Variants in DENND5B observed in about 807,000 individuals in gnomAD.
DENND5B encodes DENN domain containing 5B.
DENND5B carries 34 observed loss-of-function variants against 140.6 expected under a neutral mutation model. The ratio of observed to expected loss-of-function variants is 0.24; its 90% confidence interval spans 0.18 to 0.32. DENND5B has a LOEUF of 0.32. Ranked by LOEUF, DENND5B falls within the 10% of genes least tolerant of loss-of-function variation. The pLI is 1.00. For missense variants in DENND5B, 1,142 were observed against 1,560.2 expected (o/e 0.73, Z 4.52); for synonymous variants, 551 against 562.1 (o/e 0.98, Z 0.28).
chr12:31,497,199 A>G (rs1275040020), intron 1 of DENND5B, among the ~76,000 whole-genome samples: 1 of 152,204 alleles, frequency 6.6e-6, no homozygotes, highest in East Asian at 1.9e-4. Context: ...TATAAAATAC[A>G]TAGGAATTTT....
intron 20 of DENND5B, 76 bp from the exon 21 acceptor site, chr12:31,387,862 T>G: frequency 6.8e-7 from 1 of 1,463,142 alleles, no homozygotes; most frequent in Non-Finnish European, 9.3e-7. Flanking sequence ...GGAGTCTGTA[T>G]GAATGGGAAG....
chr12:31,409,448 G>A, intron 13 of DENND5B, 64 bp from the exon 14 acceptor site: 2 of 1,001,128 alleles, frequency 2.0e-6, no homozygotes, highest in South Asian at 2.1e-5. Flanking sequence ...AACCAAGACA[G>A]TAGTATCATG....
intron 1 of DENND5B, among the ~76,000 whole-genome samples, chr12:31,504,333 C>G (rs960621575): frequency 9.2e-5 from 14 of 152,170 alleles, no homozygotes; most frequent in African/African-American, 3.4e-4. Context: ...CACAAAAGTT[C>G]TGCTACTATG....
At chr12:31,531,810 C>G (rs1432219743) in intron 1 of DENND5B, among the ~76,000 whole-genome samples, 1 of 152,154 alleles carries the variant, frequency 6.6e-6, no homozygotes, top group East Asian at 1.9e-4. Flanking sequence ...TATCTCCATT[C>G]TACTCACTAC....
intron 1 of DENND5B, among the ~76,000 whole-genome samples, chr12:31,528,747 A>G (rs1031628492): frequency 2.6e-5 from 4 of 152,346 alleles, no homozygotes; most frequent in East Asian, 3.9e-4. Flanking sequence ...TGAGATGCCA[A>G]TTCTAACTGG....
chr12:31,451,733 G>GT, intron 5 of DENND5B: 1 of 574,194 alleles, frequency 1.7e-6, no homozygotes, highest in Non-Finnish European at 3.0e-6. Flanking sequence ...TTATTTGCTT[G>GT]TAAAATTATT....
chr12:31,496,931 T>G (rs1399227985), intron 1 of DENND5B, among the ~76,000 whole-genome samples: 1 of 152,162 alleles, frequency 6.6e-6, no homozygotes, highest in Non-Finnish European at 1.5e-5. Flanking sequence ...TTTATTGTGT[T>G]GTGTGTTTTC....
In DENND5B at chr12:31,385,876, C is replaced by G. The variant is rs1260783888; in HGVS notation, c.*1727G>C. On this transcript the variant is annotated 3_prime_UTR_variant, in exon 21 of 21. Coordinates refer to ENST00000389082, the MANE Select transcript of DENND5B (RefSeq NM_144973.4). ...TATTTTTAGTAGAGACGGGGTTTCA[C>G]GGTGTTAGCCAGGAGGGTCTCAATC... The G allele has an allele frequency of 6.6e-6, 1 of 152,354 alleles. No homozygotes were observed. Among genetic ancestry groups the G allele is most frequent in the Admixed American group, 6.5e-5 (1 of 15,268 alleles). 9.4% of individuals were successfully genotyped at this position (152,354 alleles called of 1,614,324 possible).
intron 2 of DENND5B, among the ~76,000 whole-genome samples, chr12:31,487,557 C>T (rs1946358413): frequency 6.6e-6 from 1 of 152,002 alleles, no homozygotes; most frequent in African/African-American, 2.4e-5. Flanking sequence ...AAAAAATTAG[C>T]CGGGCGTGGT....
chr12:31,452,033 CTG>C lies in DENND5B; in HGVS notation c.1534_1535del (p.Gln512AspfsTer30). The C allele has an allele frequency of 6.2e-7, 1 of 1,613,824 alleles. No individual in the cohort carries two copies. The highest frequency in any genetic ancestry group is 8.5e-7 in the Non-Finnish European group (1 of 1,179,850). ...LREVFANRFT[Q>X]MFADYEAFVI... is the part of the protein sequence containing the mutation. ...CAAATGCTTCGTAATCTGCAAACAT[CTG>C]TGTAAAACGGTTAGCAAAGACCTCT... On this transcript the variant is annotated frameshift_variant, in exon 5 of 21. Transcript: ENST00000389082. LOFTEE classifies it high-confidence loss of function.
At chr12:31,459,230 A>G (rs1194890597) in intron 4 of DENND5B, among the ~76,000 whole-genome samples, 1 of 151,992 alleles carries the variant, frequency 6.6e-6, no homozygotes, top group Non-Finnish European at 1.5e-5. Context: ...AAAAGTAAAA[A>G]CAACACCTAG....
At chr12:31,589,648 G>A (rs1950530391) in intron 1 of DENND5B, among the ~76,000 whole-genome samples, 1 of 151,828 alleles carries the variant, frequency 6.6e-6, no homozygotes, top group Non-Finnish European at 1.5e-5. Flanking sequence ...AATCAATAAG[G>A]AATTATTTGT....
intron 1 of DENND5B, among the ~76,000 whole-genome samples, chr12:31,539,808 GATCTGGAATACAACAAGGAT>G (rs1227343756): frequency 6.6e-6 from 1 of 151,756 alleles, no homozygotes; most frequent in Non-Finnish European, 1.5e-5. Flanking sequence ...TTTCCTCTGA[GATCTGGAATACAACAAGGAT>G]ATCCACTTTC....
chr12:31,551,208 A>T (rs930935747), intron 1 of DENND5B, among the ~76,000 whole-genome samples: 1 of 152,160 alleles, frequency 6.6e-6, no homozygotes, highest in Middle Eastern at 3.2e-3. Flanking sequence ...CTAACATTTA[A>T]GTCTTTAATC....
chr12:31,509,893 A>G (rs1947343803), intron 1 of DENND5B, among the ~76,000 whole-genome samples: 1 of 152,118 alleles, frequency 6.6e-6, no homozygotes, highest in East Asian at 1.9e-4. Flanking sequence ...CCTTGGGAAA[A>G]TCAACGTGAA....
intron 1 of DENND5B, among the ~76,000 whole-genome samples, chr12:31,572,923 A>C (rs1949874842): frequency 6.6e-6 from 1 of 152,246 alleles, no homozygotes; most frequent in Non-Finnish European, 1.5e-5. Context: ...AGGAAGAAAA[A>C]GACTTTTTAA....
intron 1 of DENND5B, among the ~76,000 whole-genome samples, chr12:31,509,759 A>G (rs1947338493): frequency 6.6e-6 from 1 of 152,206 alleles, no homozygotes; most frequent in South Asian, 2.1e-4. Flanking sequence ...TGGAAAGTTA[A>G]AAAAGAATAA....
At chr12:31,436,838 C>A (rs1943785082) in intron 7 of DENND5B, among the ~76,000 whole-genome samples, 1 of 152,012 alleles carries the variant, frequency 6.6e-6, no homozygotes, top group Non-Finnish European at 1.5e-5. Context: ...CCCGACCCAG[C>A]TCCTGCAATT....
At chr12:31,574,295 A>AATAATAATAATTATT (rs374578025) in intron 1 of DENND5B, among the ~76,000 whole-genome samples, 288 of 144,578 alleles carry the variant, frequency 2.0e-3, no homozygotes, top group Admixed American at 8.9e-3. Context: ...TAATAATAAT[A>AATAATAATAATTATT]ATTTAAAAGG....
Sources: gnomAD v4.1 joint callset for allele counts (sites outside exome capture counted in the v4.1 genomes callset) on GRCh38, gnomAD v4.1.1 for gene constraint, MANE v1.5 for transcripts, NCBI Gene and HGNC (gene_info 2026-07-23, HGNC 2026-07-21) for gene names.